COBL: variants seen among roughly 807,000 people sequenced by gnomAD.
The protein encoded by COBL is protein cordon-bleu.
COBL carries 51 observed loss-of-function variants against 98.8 expected under a neutral mutation model. The ratio of observed to expected loss-of-function variants is 0.52; its 90% CI spans 0.41 to 0.65. COBL has a LOEUF of 0.65. Among genes scored for constraint, COBL ranks in the 30% least tolerant of loss-of-function variants. The pLI, the probability that COBL is intolerant of heterozygous loss-of-function variation, is 0.00. For synonymous variants in COBL, 634 were observed against 651.7 expected, an observed-to-expected ratio of 0.97 and a Z score of 0.41; for missense variants, 1,617 against 1,617.5, an observed-to-expected ratio of 1.00 and a Z score of 0.01.
intron 4 of COBL, chr7:51,187,932 G>A: frequency 1.6e-6 from 2 of 1,232,454 alleles, no homozygotes; most frequent in Admixed American, 4.2e-5. Flanking sequence ...CTCAGGGAAG[G>A]CTCGGACTGA....
intron 6 of COBL, among the ~76,000 whole-genome samples, chr7:51,129,003 G>A (rs1201008417): frequency 2.6e-5 from 4 of 152,204 alleles, no homozygotes; most frequent in Admixed American, 6.5e-5. Flanking sequence ...TTTTCTTAGT[G>A]AGGAGTAAAT....
chr7:51,240,911 C>T (rs1473790849), intron 1 of COBL, among the ~76,000 whole-genome samples: 2 of 152,160 alleles, frequency 1.3e-5, no homozygotes, highest in East Asian at 3.9e-4. Flanking sequence ...ACCCTTTCCT[C>T]GGAGAGCTGG....
chr7:51,282,285 C>A (rs1799880557), intron 1 of COBL, among the ~76,000 whole-genome samples: 1 of 151,908 alleles, frequency 6.6e-6, no homozygotes, highest in Non-Finnish European at 1.5e-5. Flanking sequence ...TCTAAACAAT[C>A]CAACTAAAAG....
chr7:51,021,321 A>C (rs890919286), intron 12 of COBL: 2 of 152,214 alleles, frequency 1.3e-5, no homozygotes, highest in Non-Finnish European at 2.9e-5. Context: ...TTTTTTAAAA[A>C]AATTTCTTTT....
chr7:51,272,765 A>G (rs1455581733), intron 1 of COBL, among the ~76,000 whole-genome samples: 1 of 152,132 alleles, frequency 6.6e-6, no homozygotes, highest in Non-Finnish European at 1.5e-5. Flanking sequence ...CAAAGCTTGT[A>G]CTTTGGGAGT....
intron 6 of COBL, among the ~76,000 whole-genome samples, chr7:51,133,070 C>T (rs1002998814): frequency 2.0e-5 from 3 of 152,108 alleles, no homozygotes; most frequent in Admixed American, 6.5e-5. Context: ...GCAAGAGCAG[C>T]GAGCAAGAAT....
chr7:51,141,897 G>A (rs1170367489), intron 5 of COBL, among the ~76,000 whole-genome samples: 1 of 152,150 alleles, frequency 6.6e-6, no homozygotes, highest in African/African-American at 2.4e-5. Flanking sequence ...TTGGGTAAGG[G>A]CAAGGCCAAC....
intron 5 of COBL, among the ~76,000 whole-genome samples, chr7:51,180,895 C>T (rs559840604): frequency 6.6e-5 from 10 of 152,286 alleles, no homozygotes; most frequent in Admixed American, 3.3e-4. Flanking sequence ...GTGTGCATTA[C>T]GCTTTTACTG....
Position 51,025,316 on chromosome 7 carries a change from A to T in COBL, c.3561T>A (p.Ala1187=), listed in dbSNP as rs2240087. ...CTAGCAGAGGACTTTCCGAGCCCTG[A>T]GCAGAGAGTGCGGCATCTCGGAAGC... ...LQSFRDAALS[A]QGSESPLLED... The change falls in exon 12 of 13, where the codon GCT becomes GCA. Residue 1187 remains alanine, a synonymous_variant. Transcript: ENST00000265136. 1,487,023 of 1,612,986 alleles carry T rather than the reference A, an allele frequency of 0.92. 686,948 individuals are homozygous for T. Among genetic ancestry groups the T allele is most frequent in the Middle Eastern group, 0.95 (5,578 of 5,850 alleles).
chr7:51,153,072 T>C (rs866941485), intron 5 of COBL, among the ~76,000 whole-genome samples: 1 of 152,224 alleles, frequency 6.6e-6, no homozygotes, highest in Non-Finnish European at 1.5e-5. Context: ...ATAGTTAGAA[T>C]TTACTCTGGA....
At chr7:51,027,267 T>G (rs936366521) in intron 10 of COBL, among the ~76,000 whole-genome samples, 1 of 152,240 alleles carries the variant, frequency 6.6e-6, no homozygotes, top group African/African-American at 2.4e-5. Context: ...GGGCAAGGCG[T>G]GTCCTACAAT....
chr7:51,085,412 G>T, intron 6 of COBL, 108 bp from the exon 7 acceptor site: 1 of 1,255,558 alleles, frequency 8.0e-7, no homozygotes. Flanking sequence ...GCACCGGAAG[G>T]TGGTGCTCCA....
intron 6 of COBL, among the ~76,000 whole-genome samples, chr7:51,106,758 G>A (rs1796310254): frequency 6.6e-6 from 1 of 152,126 alleles, no homozygotes; most frequent in Non-Finnish European, 1.5e-5. Context: ...GCACAGGCAT[G>A]CTGGCAGGGA....
At position 51,107,805 on chromosome 7, in the gene COBL, G is replaced by A. The variant is rs957811408; in HGVS notation, c.958-22501C>T. Among the ~76,000 whole-genome samples, 8 of 152,158 alleles carry A rather than the reference G, an allele frequency of 5.3e-5. No individual in the cohort carries two copies. The South Asian group carries it at 8.3e-4, about 16-fold the overall frequency. On this transcript the variant is annotated intron_variant, in intron 6 of 12. Transcript: ENST00000265136. The stretch of plus-strand genomic sequence containing the variant: ...CCCCTGGGGAATACAAGATGCCAAA[G>A]CAGCAGGGAATCTCCTTAATAAACA...
At chr7:51,126,721 A>C (rs1341489081) in intron 6 of COBL, among the ~76,000 whole-genome samples, 1 of 151,982 alleles carries the variant, frequency 6.6e-6, no homozygotes, top group Non-Finnish European at 1.5e-5. Context: ...CCCCTCCCAA[A>C]TGTCATCTCC....
At chr7:51,263,211 T>C (rs1026494503) in intron 1 of COBL, among the ~76,000 whole-genome samples, 7 of 152,148 alleles carry the variant, frequency 4.6e-5, no homozygotes, top group Non-Finnish European at 1.0e-4. Context: ...TCATCTACAC[T>C]GCACTGGGGA....
chr7:51,097,855 C>T (rs1795420248), intron 6 of COBL, among the ~76,000 whole-genome samples: 1 of 151,838 alleles, frequency 6.6e-6, no homozygotes, highest in Admixed American at 6.6e-5. Context: ...AACCCTGTCT[C>T]TACTAAAAAT....
At chr7:51,079,241 T>G (rs1793394522) in intron 7 of COBL, among the ~76,000 whole-genome samples, 1 of 152,132 alleles carries the variant, frequency 6.6e-6, no homozygotes, top group African/African-American at 2.4e-5. Context: ...GATTTTCACA[T>G]CTTTCTCAAG....
intron 2 of COBL, among the ~76,000 whole-genome samples, chr7:51,217,647 A>G (rs1457910307): frequency 3.3e-5 from 5 of 152,142 alleles, no homozygotes; most frequent in African/African-American, 7.2e-5. Context: ...CTGGCCCACA[A>G]TGCCATTTTC....
Sources: allele counts gnomAD v4.1 joint callset (sites outside exome capture counted in the v4.1 genomes callset), GRCh38; gene constraint gnomAD v4.1.1; transcripts MANE v1.5; gene names NCBI Gene and HGNC (gene_info 2026-07-23, HGNC 2026-07-21).